Variants in RICTOR observed in about 807,000 individuals in gnomAD.
RICTOR encodes the protein RPTOR independent companion of MTOR complex 2, also known as rapamycin-insensitive companion of mTOR.
Under a neutral mutation model 214.9 loss-of-function variants are expected in RICTOR, and 49 were observed. That is an observed-to-expected ratio of 0.23 (90% CI 0.18 to 0.29). The LOEUF (loss-of-function observed/expected upper bound fraction) is 0.29. RICTOR is among the 10% of genes least tolerant of loss of function. The probability of loss-of-function intolerance (pLI) is 1.00; values close to 1 mark genes in which losing one functional copy is unlikely to be tolerated. For synonymous variants in RICTOR, 717 were observed against 711.3 expected, an observed-to-expected ratio of 1.01 and a Z score of -0.13; for missense variants, 1,625 against 2,047.0, an observed-to-expected ratio of 0.79 and a Z score of 3.98.
chr5:39,025,568 C>T (rs568370758), intron 2 of RICTOR, among the ~76,000 whole-genome samples: 1 of 152,284 alleles, frequency 6.6e-6, no homozygotes, highest in African/African-American at 2.4e-5. Context: ...TATTAAGCAA[C>T]AGAAGTTTAT....
intron 7 of RICTOR, among the ~76,000 whole-genome samples, chr5:38,985,593 A>C (rs1389895971): frequency 6.6e-6 from 1 of 152,118 alleles, no homozygotes; most frequent in African/African-American, 2.4e-5. Context: ...TTGATAACTC[A>C]AAACTCCTTT....
intron 6 of RICTOR, among the ~76,000 whole-genome samples, chr5:38,995,658 G>C (rs950198256): frequency 6.6e-6 from 1 of 151,818 alleles, no homozygotes; most frequent in African/African-American, 2.4e-5. Context: ...ATATATTTTA[G>C]TCCCTAACAT....
At chr5:39,061,110 A>G (rs1484194828) in intron 2 of RICTOR, among the ~76,000 whole-genome samples, 1 of 152,100 alleles carries the variant, frequency 6.6e-6, no homozygotes, top group Non-Finnish European at 1.5e-5. Flanking sequence ...ACATTTACCA[A>G]TTAGAACAAT....
intron 3 of RICTOR, 86 bp downstream of exon 3, chr5:39,020,953 T>C (rs949246709): frequency 9.2e-6 from 7 of 762,794 alleles, no homozygotes; most frequent in African/African-American, 1.7e-5. Flanking sequence ...CACAAGAATT[T>C]GTATTTAATG....
rs965147907 is a variant in RICTOR at position 39,039,910 on chromosome 5, G to C, written c.98-18774C>G. ...CAACCATTGTGGAAGTCAGTGTGGC[G>C]ATTCCTCAGGGATCTAGAACTAGAA... is the stretch of plus-strand genomic sequence containing the variant. On this transcript the variant is annotated intron_variant, in intron 2 of 37. Transcript: ENST00000357387. Among the ~76,000 whole-genome samples, 747 of 151,834 alleles carry C rather than the reference G, an allele frequency of 4.9e-3. 4 individuals are homozygous for C. Among genetic ancestry groups the C allele is most frequent in the Middle Eastern group, 0.014 (4 of 294 alleles).
chr5:39,061,334 TATC>T (rs1183033273), intron 2 of RICTOR, among the ~76,000 whole-genome samples: 1 of 152,094 alleles, frequency 6.6e-6, no homozygotes, highest in Non-Finnish European at 1.5e-5. Flanking sequence ...GTAAGAGTTT[TATC>T]AACAAACATA....
chr5:38,969,132 G>A (rs543989184), intron 11 of RICTOR, among the ~76,000 whole-genome samples: 5 of 151,780 alleles, frequency 3.3e-5, no homozygotes, highest in African/African-American at 7.2e-5. Flanking sequence ...CACCACGCCC[G>A]GCTAATTTTT....
chr5:39,020,149 G>A (rs969194549), intron 3 of RICTOR, among the ~76,000 whole-genome samples: 1 of 152,098 alleles, frequency 6.6e-6, no homozygotes, highest in Admixed American at 6.6e-5. Context: ...GCAAAAACGG[G>A]GTTTCATGAA....
At chr5:39,007,757 G>A (rs1754189924) in intron 3 of RICTOR, among the ~76,000 whole-genome samples, 3 of 150,950 alleles carry the variant, frequency 2.0e-5, no homozygotes, top group African/African-American at 7.3e-5. Flanking sequence ...GCAAAATATT[G>A]TTTTAAATAT....
chr5:39,051,083 A>G (rs148772093), intron 2 of RICTOR, among the ~76,000 whole-genome samples: 42 of 152,078 alleles, frequency 2.8e-4, no homozygotes, highest in African/African-American at 6.3e-4. Context: ...ACACACACAC[A>G]CGCGGCATAT....
rs766043193 is a variant in RICTOR at position 39,003,620 on chromosome 5, A to C, written c.198T>G (p.Leu66=). Residue 66 remains leucine, a splice_region_variant and synonymous_variant, in exon 4 of 38, where the codon CTT becomes CTG. Transcript: ENST00000357387. ...KLGHLNNFTK[L]LCDIGHSEEK... Reference sequence around the variant, plus strand: ...CTTCACTGTGGCCAATATCACAAAGAAGCTGTCAGAAAAACAAAATAAGTG... The same window carrying C: ...CTTCACTGTGGCCAATATCACAAAGCAGCTGTCAGAAAAACAAAATAAGTG... 23 of 1,602,770 alleles carry C rather than the reference A, an allele frequency of 1.4e-5. No individual in the cohort carries two copies. The highest frequency in any genetic ancestry group is 1.7e-5 in the Admixed American group (1 of 59,730).
chr5:39,049,458 C>T (rs1757702524), intron 2 of RICTOR, among the ~76,000 whole-genome samples: 1 of 152,030 alleles, frequency 6.6e-6, no homozygotes, highest in Admixed American at 6.6e-5. Context: ...AACTAGTTAA[C>T]TCCACAACTA....
intron 3 of RICTOR, among the ~76,000 whole-genome samples, chr5:39,019,640 C>T (rs1421579201): frequency 6.6e-6 from 1 of 152,142 alleles, no homozygotes; most frequent in African/African-American, 2.4e-5. Context: ...ATTGTTACGG[C>T]TCATTGACAA....
At chr5:38,967,277 C>T (rs1191442681) in intron 13 of RICTOR, 50 bp from the exon 14 acceptor site, 2 of 1,592,522 alleles carry the variant, frequency 1.3e-6, no homozygotes, top group Non-Finnish European at 1.7e-6. Context: ...ATAGATTACA[C>T]AGTCTAACAT....
rs1214087176 is a variant in RICTOR, at chr5:38,942,071, A to G, written c.*233T>C. ...CATACAATGGTAACTGAAACTCTTAAAACTGTGGTAATGAATCATGAACCC... is the reference window on the plus strand; with the variant it reads ...CATACAATGGTAACTGAAACTCTTAGAACTGTGGTAATGAATCATGAACCC... On this transcript the variant is annotated 3_prime_UTR_variant, in exon 38 of 38. Coordinates refer to ENST00000357387, the MANE Select transcript of RICTOR (RefSeq NM_152756.5). The G allele has an allele frequency of 3.8e-5, 14 of 372,410 alleles. No homozygotes were observed. Among genetic ancestry groups the G allele is most frequent in the Non-Finnish European group, 9.7e-6 (2 of 206,446 alleles). 23.1% of individuals were successfully genotyped at this position (372,410 alleles called of 1,614,324 possible).
intron 21 of RICTOR, 22 bp from the exon 22 acceptor site, chr5:38,959,343 G>A: frequency 7.3e-7 from 1 of 1,362,456 alleles, no homozygotes; most frequent in Non-Finnish European, 1.0e-6. Flanking sequence ...AAAAAAATAA[G>A]AATGGTTAAA....
Position 38,975,624 on chromosome 5 carries a change from A to T in RICTOR, c.822-20T>A. ...TCTTCTCTGTTGGGGGTGGGGAGGC[A>T]GCGGGGAGAATCAATGAAATAAAAT... is the stretch of plus-strand genomic sequence containing the variant. On this transcript the variant is annotated intron_variant, in intron 9 of 37. Coordinates refer to ENST00000357387, the MANE Select transcript of RICTOR (RefSeq NM_152756.5). The T allele has an allele frequency of 6.3e-7, 1 of 1,595,432 alleles. No homozygotes were observed.
rs774881301 is a variant in RICTOR, at chr5:38,942,367, T to C, written c.5064A>G (p.Glu1688=). 50 of 1,591,554 alleles carry C rather than the reference T, an allele frequency of 3.1e-5. No individual in the cohort carries two copies. The Admixed American group carries it at 5.3e-4, about 17-fold the overall frequency. Residue 1688 remains glutamate, a synonymous_variant, in exon 38 of 38, where the codon GAA becomes GAG. Transcript: ENST00000357387. ...GTGGTGTTGCCAACACAGCCTCTGCTTCTTCATGCATCTAGGGAAAAAATG... is the reference window on the plus strand; with the variant it reads ...GTGGTGTTGCCAACACAGCCTCTGCCTCTTCATGCATCTAGGGAAAAAATG... ...QDVQFLQMHE[E]AEAVLATPPK...
At chr5:39,061,101 C>T (rs1184683419) in intron 2 of RICTOR, among the ~76,000 whole-genome samples, 9 of 152,052 alleles carry the variant, frequency 5.9e-5, no homozygotes, top group Admixed American at 5.9e-4. Flanking sequence ...GACGATTAAA[C>T]ATTTACCAAT....
Sources: allele counts gnomAD v4.1 joint callset (sites outside exome capture counted in the v4.1 genomes callset), GRCh38; gene constraint gnomAD v4.1.1; transcripts MANE v1.5; gene names NCBI Gene and HGNC (gene_info 2026-07-23, HGNC 2026-07-21).